RASGRP1: variants seen among roughly 807,000 people sequenced by gnomAD.
RASGRP1 encodes the protein RAS guanyl releasing protein 1, also known as RAS guanyl-releasing protein 1.
Under a neutral mutation model 95.1 loss-of-function variants are expected in RASGRP1, and 37 were observed. That is an observed-to-expected ratio of 0.39 (90% CI 0.30 to 0.51). RASGRP1 has a LOEUF of 0.51. RASGRP1 is among the 20% of genes least tolerant of loss of function. RASGRP1 has a pLI of 0.80. For missense variants in RASGRP1, 711 were observed against 965.4 expected, an observed-to-expected ratio of 0.74 and a Z score of 3.49; for synonymous variants, 325 against 353.4, an observed-to-expected ratio of 0.92 and a Z score of 0.90.
At chr15:38,539,549 T>A (rs1328245694) in intron 2 of RASGRP1, among the ~76,000 whole-genome samples, 7 of 16,528 alleles carry the variant, frequency 4.2e-4, no homozygotes, top group African/African-American at 5.0e-3. Flanking sequence ...TGCATTGCCG[T>A]TTTTTTTTTT....
chr15:38,507,315 C>G lies in RASGRP1; in HGVS notation c.1242+411G>C, dbSNP rs77893566. 2.1e-3 allele frequency among the ~76,000 whole-genome samples: 311 copies of G among 149,588 alleles called. 3 individuals carry two copies. The highest frequency in any genetic ancestry group is 7.1e-3 in the African/African-American group (288 of 40,726). On this transcript the variant is annotated intron_variant, in intron 9 of 16. Coordinates refer to ENST00000310803, the MANE Select transcript of RASGRP1 (RefSeq NM_005739.4). ...TCTAAGCCAGGAACCAAATAATAACCCTGGGTGTTTTTTGTTTGTTTTTTA... is the reference window on the plus strand; with the variant it reads ...TCTAAGCCAGGAACCAAATAATAACGCTGGGTGTTTTTTGTTTGTTTTTTA...
At chr15:38,547,134 C>T (rs558353180) in intron 2 of RASGRP1, among the ~76,000 whole-genome samples, 1 of 152,270 alleles carries the variant, frequency 6.6e-6, no homozygotes, top group African/African-American at 2.4e-5. Context: ...ACTTTGAGTA[C>T]GACTATAAAC....
intron 14 of RASGRP1, 98 bp downstream of exon 14, chr15:38,500,005 C>T (rs1044782767): frequency 7.9e-7 from 1 of 1,261,434 alleles, no homozygotes; most frequent in Non-Finnish European, 1.1e-6. Flanking sequence ...TCAATTAAAC[C>T]TCTTGCCTTT....
intron 16 of RASGRP1, among the ~76,000 whole-genome samples, chr15:38,492,912 A>T (rs371089881): frequency 2.3e-4 from 33 of 143,952 alleles, no homozygotes; most frequent in Admixed American, 2.1e-3. Context: ...TTGGAGTCTC[A>T]CTCAGTCGCC....
At chr15:38,533,089 T>C (rs901160314) in intron 2 of RASGRP1, among the ~76,000 whole-genome samples, 2 of 152,188 alleles carry the variant, frequency 1.3e-5, no homozygotes, top group Non-Finnish European at 2.9e-5. Flanking sequence ...TCCTTTGTTT[T>C]GGTTTCCAAG....
At chr15:38,499,270 T>A in intron 14 of RASGRP1, 1 of 427,026 alleles carries the variant, frequency 2.3e-6, no homozygotes, top group East Asian at 5.4e-5. Context: ...CTGTTAGGTC[T>A]TATTTTCTTT....
At chr15:38,561,560 G>A (rs1893810984) in intron 1 of RASGRP1, among the ~76,000 whole-genome samples, 1 of 152,220 alleles carries the variant, frequency 6.6e-6, no homozygotes. Context: ...GCACATGTGG[G>A]TTTTGGGAAA....
At chr15:38,534,365 G>A (rs1408415131) in intron 2 of RASGRP1, 3 of 151,322 alleles carry the variant, frequency 2.0e-5, no homozygotes, top group Admixed American at 6.6e-5. Context: ...GGATAACCTG[G>A]TATGTCATAC....
intron 1 of RASGRP1, 24 bp from the exon 2 acceptor site, chr15:38,560,029 A>G (rs761009071): frequency 6.3e-7 from 1 of 1,587,276 alleles, no homozygotes; most frequent in South Asian, 1.1e-5. Context: ...GAAGGCAGTG[A>G]GGGGACAAAC....
chr15:38,541,397 C>T (rs1476312697), intron 2 of RASGRP1, among the ~76,000 whole-genome samples: 2 of 152,042 alleles, frequency 1.3e-5, no homozygotes, highest in Non-Finnish European at 2.9e-5. Flanking sequence ...TTGAGACCAG[C>T]CTGGGCAACG....
intron 1 of RASGRP1, among the ~76,000 whole-genome samples, chr15:38,563,776 G>A (rs1442812854): frequency 6.6e-6 from 1 of 152,194 alleles, no homozygotes; most frequent in South Asian, 2.1e-4. Context: ...TTATAAGCAC[G>A]GGAAGTCCAG....
At chr15:38,504,382 T>A (rs149748840) in intron 10 of RASGRP1, 111 of 152,344 alleles carry the variant, frequency 7.3e-4, no homozygotes, top group Non-Finnish European at 1.8e-4. Flanking sequence ...CTTATAGCTG[T>A]ACCAGTTATT....
chr15:38,499,247 C>G, intron 14 of RASGRP1: 1 of 487,648 alleles, frequency 2.1e-6, no homozygotes, highest in Admixed American at 3.0e-5. Context: ...GGAGACCCTC[C>G]GGAAACACTC....
chr15:38,550,962 A>G (rs1436971907), intron 2 of RASGRP1, among the ~76,000 whole-genome samples: 1 of 152,224 alleles, frequency 6.6e-6, no homozygotes, highest in African/African-American at 2.4e-5. Context: ...AGATCTTTGC[A>G]AATACAAGAA....
chr15:38,506,200 G>C (rs1049061006), intron 9 of RASGRP1, among the ~76,000 whole-genome samples: 1 of 152,204 alleles, frequency 6.6e-6, no homozygotes, highest in African/African-American at 2.4e-5. Context: ...GCCTTGTCTG[G>C]ACAGATGACT....
At chr15:38,539,561 TTTTTA>T (rs1892784778) in intron 2 of RASGRP1, among the ~76,000 whole-genome samples, 1 of 148,370 alleles carries the variant, frequency 6.7e-6, no homozygotes, top group African/African-American at 2.5e-5. Context: ...TTTTTTTTTG[TTTTTA>T]TTTATTTATT....
At position 38,533,020 on chromosome 15, in the gene RASGRP1, A is replaced by G. The variant is rs530183737; in HGVS notation, c.221-6616T>C. The stretch of plus-strand genomic sequence containing the variant: ...GGAAATGCCTTGCTGCAAGATGAAC[A>G]TGAAACATGAAAACAAACGTCCAGC... On this transcript the variant is annotated intron_variant, in intron 2 of 16. Coordinates refer to ENST00000310803, the MANE Select transcript of RASGRP1 (RefSeq NM_005739.4). 1.5e-3 allele frequency among the ~76,000 whole-genome samples: 227 copies of G among 152,264 alleles called. 1 individual carries two copies. Among genetic ancestry groups the G allele is most frequent in the Non-Finnish European group, 2.5e-3 (173 of 68,036 alleles).
chr15:38,493,143 G>A (rs1391895564), intron 16 of RASGRP1, among the ~76,000 whole-genome samples: 1 of 148,972 alleles, frequency 6.7e-6, no homozygotes, highest in African/African-American at 2.5e-5. Context: ...GCCTCCCAAA[G>A]TGCTAGGATA....
At position 38,512,904 on chromosome 15, in the gene RASGRP1, G is replaced by A. The variant is rs771679174; in HGVS notation, c.728C>T (p.Thr243Ile). 1 of 1,602,640 alleles carries A rather than the reference G, an allele frequency of 6.2e-7. No individual in the cohort carries two copies. The highest frequency in any genetic ancestry group is 2.2e-5 in the East Asian group (1 of 44,568). ...LVNSCVKENP[T>I]MERSIALCNG... ...GCACAGAGCAATAGATCGCTCCATG[G>A]TGGGGTTTTCCTTCACACAGCTATT... Residue 243 changes from threonine (T) to isoleucine (I), a missense_variant, in exon 7 of 17, where the codon ACC becomes ATC. This residue lies in a region of RASGRP1 where 491 missense variants were observed against 676.6 expected (regional missense o/e 0.73). Coordinates refer to ENST00000310803, the MANE Select transcript of RASGRP1 (RefSeq NM_005739.4).
Sources: gnomAD v4.1 joint callset for allele counts (sites outside exome capture counted in the v4.1 genomes callset) on GRCh38, gnomAD v4.1.1 for gene constraint, gnomAD v4.1.1 regional missense constraint, MANE v1.5 for transcripts, NCBI Gene and HGNC (gene_info 2026-07-23, HGNC 2026-07-21) for gene names.